PPP2R2D: variants seen among roughly 807,000 people sequenced by gnomAD.
The protein encoded by PPP2R2D is serine/threonine-protein phosphatase 2A 55 kDa regulatory subunit B delta isoform.
PPP2R2D carries 9 observed loss-of-function variants against 31.1 expected under a neutral mutation model. The observed-to-expected ratio is 0.29, with a 90% CI of 0.17 to 0.51. PPP2R2D has a LOEUF of 0.51. Among genes scored for constraint, PPP2R2D ranks in the 20% least tolerant of loss-of-function variants. PPP2R2D has a pLI of 0.98. For missense variants in PPP2R2D, 391 were observed against 465.6 expected (o/e 0.84, Z 1.48); for synonymous variants, 179 against 172.6 (o/e 1.04, Z -0.29).
In PPP2R2D at chr10:131,957,755, G is replaced by T; in HGVS notation, c.*1792G>T. The T allele has an allele frequency of 6.5e-6, 1 of 153,838 alleles. No homozygotes were observed. The highest frequency in any genetic ancestry group is 1.4e-5 in the Non-Finnish European group (1 of 73,398). The allele number at this position is 153,838 out of a possible 1,614,324, so 9.5% of individuals were successfully genotyped here. ...TCTCCCTGTGGAGATGAAGGGGTGTGCCAATCCCCCGCGCCCCTGTGGAGA... is the reference window on the plus strand; with the variant it reads ...TCTCCCTGTGGAGATGAAGGGGTGTTCCAATCCCCCGCGCCCCTGTGGAGA... On this transcript the variant is annotated 3_prime_UTR_variant, in exon 9 of 9. Transcript: ENST00000455566.
rs1380745529 is a variant in PPP2R2D, at chr10:131,947,125, C to T, written c.821-405C>T. 1.3e-5 allele frequency among the ~76,000 whole-genome samples: 2 copies of T among 152,208 alleles called. No individual in the cohort carries two copies. The highest frequency in any genetic ancestry group is 2.9e-5 in the Non-Finnish European group (2 of 68,040). On this transcript the variant is annotated intron_variant, in intron 7 of 8. Transcript: ENST00000455566. This position sits in a 1 kb window ranked among gnomAD's most constrained non-coding sequence, Gnocchi z 4.3. ...GTGATGTGTATGCGATAGAATTTCA[C>T]GTGCTCGGGCCTGGTGCCATGAGGA...
intron 3 of PPP2R2D, chr10:131,935,136 T>C (rs10430614): frequency 0.3 from 105,339 of 354,310 alleles, 16,110 homozygotes; most frequent in East Asian, 0.46. Context: ...GTCACGGCAC[T>C]GCCTTTTCAC....
chr10:131,911,674 A>C, intron 2 of PPP2R2D: 1 of 152,390 alleles, frequency 6.6e-6, no homozygotes, highest in South Asian at 2.1e-4. Context: ...TGAAAACGGC[A>C]GATGATGTAC....
At chr10:131,955,282 A>G (rs1371301677) in intron 8 of PPP2R2D, among the ~76,000 whole-genome samples, 4 of 152,216 alleles carry the variant, frequency 2.6e-5, no homozygotes, top group African/African-American at 9.7e-5. Context: ...ACATTGACAG[A>G]TATGACTAGT....
chr10:131,917,039 A>G (rs2035812214), intron 2 of PPP2R2D, among the ~76,000 whole-genome samples: 2 of 137,922 alleles, frequency 1.5e-5, no homozygotes, highest in East Asian at 2.3e-4. Flanking sequence ...GTGGAATGAC[A>G]CAGTGTAGGG....
chr10:131,927,058 G>A (rs1218574040), intron 2 of PPP2R2D, among the ~76,000 whole-genome samples: 2 of 152,254 alleles, frequency 1.3e-5, no homozygotes, highest in Non-Finnish European at 2.9e-5. Flanking sequence ...TCTGCTGGAA[G>A]CAGTGGCTTC....
rs1554901115 is a variant in PPP2R2D at position 131,959,574 on chromosome 10, C to T, written c.*3611C>T. On this transcript the variant is annotated 3_prime_UTR_variant, in exon 9 of 9. Transcript: ENST00000455566. ...CAAGAACAGGATGTCCGTCATTACC[C>T]TGAATCAATGCTAACACAGTGCCAC... 6.4e-6 allele frequency: 1 copy of T among 157,038 alleles called. No individual in the cohort carries two copies. The highest frequency in any genetic ancestry group is 2.4e-5 in the African/African-American group (1 of 41,532). 9.7% of individuals were successfully genotyped at this position (157,038 alleles called of 1,614,324 possible). A position where few individuals can be genotyped will look rare whatever the true frequency, so the allele number is the denominator to read the frequency against.
At chr10:131,971,097 C>T in the PPP2R2D span, 71 of 858,174 alleles carry the variant, frequency 8.3e-5, no homozygotes, top group African/African-American at 9.9e-4. Context: ...GTCAGTGCCT[C>T]GGACCGTGGT....
chr10:131,928,794 A>G (rs2036153509), intron 2 of PPP2R2D, among the ~76,000 whole-genome samples: 1 of 152,234 alleles, frequency 6.6e-6, no homozygotes, highest in South Asian at 2.1e-4. Context: ...GAAAAGTCTC[A>G]GGATATGAGC....
At chr10:131,964,477 C>A (rs899302443), downstream of PPP2R2D, among the ~76,000 whole-genome samples, 1 of 151,966 alleles carries the variant, frequency 6.6e-6, no homozygotes, top group African/African-American at 2.4e-5. Flanking sequence ...TGCACAGCTC[C>A]GGCTCAAACC....
intron 3 of PPP2R2D, among the ~76,000 whole-genome samples, chr10:131,937,757 A>G (rs990431158): frequency 3.3e-5 from 5 of 152,178 alleles, no homozygotes; most frequent in African/African-American, 1.2e-4. Context: ...GCATAGGACT[A>G]ATTTAGTTAT....
Position 131,919,564 on chromosome 10 carries a change from G to A in PPP2R2D, c.101-14894G>A, listed in dbSNP as rs192580784. ...AGGCGGGTGGAATGACACAATGTAG[G>A]GATCTCACGTGGGTGGAATGACAGT... is the stretch of plus-strand genomic sequence containing the variant. On this transcript the variant is annotated intron_variant, in intron 2 of 8. Coordinates refer to ENST00000455566, the MANE Select transcript of PPP2R2D (RefSeq NM_018461.5). Among the ~76,000 whole-genome samples the A allele has an allele frequency of 4.2e-4, 50 of 119,146 alleles. 6 individuals carry two copies. The highest frequency in any genetic ancestry group is 6.8e-4 in the Non-Finnish European group (39 of 57,590). The allele number at this position is 119,146 out of a possible 152,430, so 78.2% of individuals were successfully genotyped here.
At chr10:131,941,345 C>T (rs2036437370) in intron 5 of PPP2R2D, among the ~76,000 whole-genome samples, 1 of 152,218 alleles carries the variant, frequency 6.6e-6, no homozygotes, top group Non-Finnish European at 1.5e-5. Context: ...TGGCCTGGTG[C>T]TACGCACCAC....
chr10:131,965,460 A>AT, the PPP2R2D span, among the ~76,000 whole-genome samples: 4 of 152,026 alleles, frequency 2.6e-5, no homozygotes, highest in Admixed American at 6.5e-5. Flanking sequence ...GGGGGCTTTT[A>AT]TTTTTTTGAG....
downstream of PPP2R2D, among the ~76,000 whole-genome samples, chr10:131,960,430 GAA>G (rs1554901270): frequency 6.6e-6 from 1 of 152,150 alleles, no homozygotes; most frequent in East Asian, 1.9e-4. Context: ...TTTTTTGAAA[GAA>G]AAATGGAGCT....
intron 8 of PPP2R2D, among the ~76,000 whole-genome samples, chr10:131,952,998 G>A (rs1244255293): frequency 7.7e-6 from 1 of 130,586 alleles, no homozygotes; most frequent in Non-Finnish European, 1.6e-5. Flanking sequence ...ACTTGCGGGT[G>A]TGCAGGGGGT....
chr10:131,927,072 C>T (rs928208130), intron 2 of PPP2R2D, among the ~76,000 whole-genome samples: 1 of 152,208 alleles, frequency 6.6e-6, no homozygotes, highest in East Asian at 1.9e-4. Context: ...TGGCTTCTTC[C>T]ACTGCAGGGG....
chr10:131,952,725 G>C (rs1184698100), intron 8 of PPP2R2D, among the ~76,000 whole-genome samples: 1 of 112,762 alleles, frequency 8.9e-6, no homozygotes, highest in Non-Finnish European at 1.8e-5. Flanking sequence ...CGGGTGTGCG[G>C]GGTTCACTGT....
intron 2 of PPP2R2D, among the ~76,000 whole-genome samples, chr10:131,916,178 C>T (rs528384140): frequency 9.2e-5 from 14 of 152,284 alleles, no homozygotes; most frequent in South Asian, 6.2e-4. Context: ...CCGTGTTCCC[C>T]GCAGGACAGG....
Sources: gnomAD v4.1 joint callset for allele counts (sites outside exome capture counted in the v4.1 genomes callset) on GRCh38, gnomAD v4.1.1 for gene constraint, Gnocchi (gnomAD v3.1) non-coding constraint, MANE v1.5 for transcripts, NCBI Gene and HGNC (gene_info 2026-07-23, HGNC 2026-07-21) for gene names.